STPG2: variants seen among roughly 807,000 people sequenced by gnomAD.
The protein encoded by STPG2 is sperm tail PG-rich repeat containing 2, also known as sperm-tail PG-rich repeat-containing protein 2.
STPG2 carries 56 observed loss-of-function variants against 54.2 expected under a neutral mutation model. The observed-to-expected ratio is 1.03, with a 90% CI of 0.83 to 1.29. STPG2 has a LOEUF of 1.29. Ranked by LOEUF, STPG2 falls within the 50% of genes most tolerant of loss-of-function variation. The pLI is 0.00. For missense variants in STPG2, 596 were observed against 544.9 expected (o/e 1.09, Z -0.93); for synonymous variants, 200 against 181.8 (o/e 1.10, Z -0.81).
At chr4:98,013,580 CTTTTTTTTTTTTTTT>C (rs34198207) in intron 5 of STPG2, among the ~76,000 whole-genome samples, 10 of 74,604 alleles carry the variant, frequency 1.3e-4, no homozygotes, top group Non-Finnish European at 2.0e-4. Flanking sequence ...TGGTCCTGGG[CTTTTTTTTTTTTTTT>C]TTTTTTTTTT....
intron 8 of STPG2, among the ~76,000 whole-genome samples, chr4:97,904,813 G>C (rs929389620): frequency 3.9e-5 from 6 of 152,334 alleles, no homozygotes; most frequent in Middle Eastern, 6.8e-3. Context: ...GAAGAATGCA[G>C]AAGGCTCAGA....
intron 10 of STPG2, among the ~76,000 whole-genome samples, chr4:97,597,031 A>G (rs1176886217): frequency 1.3e-5 from 2 of 152,094 alleles, no homozygotes; most frequent in African/African-American, 4.8e-5. Flanking sequence ...AGACTAAGAG[A>G]AAAACAGAGA....
chr4:98,085,173 TC>T (rs1738467659), intron 5 of STPG2, among the ~76,000 whole-genome samples: 2 of 152,134 alleles, frequency 1.3e-5, no homozygotes. Flanking sequence ...ATCCAGTTGT[TC>T]TGGCACTATT....
rs144981646 is a variant in STPG2 at position 97,698,229 on chromosome 4, C to T, written c.1320+14470G>A. On this transcript the variant is annotated intron_variant, in intron 10 of 10. Coordinates refer to ENST00000295268, the MANE Select transcript of STPG2 (RefSeq NM_174952.3). ...AGGGTCTGGGCCATTTGTATTTCTG[C>T]CTGGATTGGCAGAACTGTTGGAGTT... is the stretch of plus-strand genomic sequence containing the variant. Among the ~76,000 whole-genome samples the T allele has an allele frequency of 3.5e-3, 536 of 152,190 alleles. 2 individuals carry two copies. Among genetic ancestry groups the T allele is most frequent in the Non-Finnish European group, 5.9e-3 (404 of 68,012 alleles).
chr4:97,662,752 A>G (rs771991801), intron 10 of STPG2, among the ~76,000 whole-genome samples: 1 of 152,130 alleles, frequency 6.6e-6, no homozygotes, highest in Admixed American at 6.5e-5. Context: ...ACATACAGAC[A>G]TAAAGATGGG....
chr4:97,538,702 A>T (rs2148859193), intron 4 of STPG2, among the ~76,000 whole-genome samples: 2 of 152,308 alleles, frequency 1.3e-5, no homozygotes, highest in Middle Eastern at 6.8e-3. Context: ...TGCCACAAAG[A>T]TACTCCTCAA....
intron 4 of STPG2, among the ~76,000 whole-genome samples, chr4:97,455,809 A>C (rs1729502605): frequency 6.6e-6 from 1 of 152,148 alleles, no homozygotes; most frequent in African/African-American, 2.4e-5. Flanking sequence ...ACACATGCCC[A>C]ACTGAGGCTT....
chr4:97,867,923 A>T (rs1259604836), intron 8 of STPG2, among the ~76,000 whole-genome samples: 1 of 152,152 alleles, frequency 6.6e-6, no homozygotes, highest in South Asian at 2.1e-4. Flanking sequence ...GATGCCAAGC[A>T]ATGCAGTGTC....
chr4:98,135,249 T>C (rs558866005), intron 1 of STPG2, among the ~76,000 whole-genome samples: 2 of 151,914 alleles, frequency 1.3e-5, no homozygotes. Flanking sequence ...ACTGTAAGAA[T>C]GTATGGTGAT....
At chr4:97,599,545 C>A (rs1421313422) in intron 10 of STPG2, among the ~76,000 whole-genome samples, 1 of 152,030 alleles carries the variant, frequency 6.6e-6, no homozygotes, top group Non-Finnish European at 1.5e-5. Context: ...ACATATAGGC[C>A]GGGTGCGGTG....
chr4:97,558,548 G>A (rs1732138151), downstream of STPG2, among the ~76,000 whole-genome samples: 3 of 152,290 alleles, frequency 2.0e-5, no homozygotes, highest in Admixed American at 2.0e-4. Flanking sequence ...ACGCTATAGA[G>A]AGATCCACAT....
At chr4:97,566,656 G>A (rs1263758085) in intron 10 of STPG2, among the ~76,000 whole-genome samples, 1 of 152,036 alleles carries the variant, frequency 6.6e-6, no homozygotes, top group African/African-American at 2.4e-5. Context: ...TGATAGACTG[G>A]ATTAAGAAAA....
chr4:97,694,981 C>A (rs1454722575), intron 10 of STPG2, among the ~76,000 whole-genome samples: 1 of 151,282 alleles, frequency 6.6e-6, no homozygotes, highest in Non-Finnish European at 1.5e-5. Flanking sequence ...CTTCCTAAAT[C>A]ATTCCATGAA....
intron 8 of STPG2, among the ~76,000 whole-genome samples, chr4:97,908,906 C>A (rs993107247): frequency 4.0e-5 from 6 of 151,036 alleles, no homozygotes; most frequent in African/African-American, 9.7e-5. Context: ...GGGCGATATA[C>A]CTAATGCTAG....
At chr4:97,486,765 C>G (rs1182169571) in intron 4 of STPG2, among the ~76,000 whole-genome samples, 1 of 150,116 alleles carries the variant, frequency 6.7e-6, no homozygotes, top group African/African-American at 2.5e-5. Flanking sequence ...TGGAACCAAC[C>G]CAAATGCCCA....
At chr4:97,915,384 T>G (rs1031321907) in intron 8 of STPG2, among the ~76,000 whole-genome samples, 2 of 152,138 alleles carry the variant, frequency 1.3e-5, no homozygotes, top group Non-Finnish European at 2.9e-5. Flanking sequence ...CCATTTTATA[T>G]AGGGAGAAAA....
At chr4:97,685,417 G>A (rs540078683) in intron 10 of STPG2, among the ~76,000 whole-genome samples, 7 of 152,026 alleles carry the variant, frequency 4.6e-5, no homozygotes, top group Non-Finnish European at 7.4e-5. Context: ...AAGACATGGG[G>A]GAACATGCAT....
Position 97,864,509 on chromosome 4 carries a change from T to C in STPG2, c.1045-23577A>G, listed in dbSNP as rs1039003851. Among the ~76,000 whole-genome samples, 15 of 152,220 alleles carry C rather than the reference T, an allele frequency of 9.9e-5. No individual in the cohort carries two copies. The East Asian group carries it at 2.5e-3, about 25-fold the overall frequency. ...AGAATCAATATCGTGAAAATGGCCA[T>C]ACTGCCCAAGGTAATTTATACATTC... On this transcript the variant is annotated intron_variant, in intron 8 of 10. Coordinates refer to ENST00000295268, the MANE Select transcript of STPG2 (RefSeq NM_174952.3).
chr4:97,671,978 A>G (rs986414173), intron 10 of STPG2, among the ~76,000 whole-genome samples: 1 of 152,042 alleles, frequency 6.6e-6, no homozygotes, highest in Non-Finnish European at 1.5e-5. Flanking sequence ...TGGTACTACT[A>G]CTATTATTGT....
Sources: allele counts gnomAD v4.1 joint callset (sites outside exome capture counted in the v4.1 genomes callset), GRCh38; gene constraint gnomAD v4.1.1; transcripts MANE v1.5; gene names NCBI Gene and HGNC (gene_info 2026-07-23, HGNC 2026-07-21).